Variants in ASAP3 observed in about 807,000 individuals in gnomAD.
ASAP3 encodes arf-GAP with SH3 domain, ANK repeat and PH domain-containing protein 3.
ASAP3 carries 85 observed loss-of-function variants against 118.2 expected under a neutral mutation model. That is an observed-to-expected ratio of 0.72 (90% CI 0.60 to 0.86). The LOEUF (loss-of-function observed/expected upper bound fraction) is 0.86. Among genes scored for constraint, ASAP3 ranks in the 40% least tolerant of loss-of-function variants. The pLI is 0.00. For missense variants in ASAP3, 1,026 were observed against 1,175.0 expected (o/e 0.87, Z 1.85); for synonymous variants, 432 against 477.4 (o/e 0.90, Z 1.24).
rs1558107047 is a variant in ASAP3 at position 23,433,492 on chromosome 1, T to G, written c.2060A>C (p.His687Pro). The change falls in exon 21 of 25, where the codon CAT becomes CCT. Residue 687 changes from histidine (H) to proline (P), a missense_variant. Physicochemically the swap from His to Pro is moderately conservative, Grantham distance 77. Transcript: ENST00000336689. Reference protein sequence around the residue: ...AQAGTFAFPLHVDYSWVISTE... With the variant: ...AQAGTFAFPLPVDYSWVISTE... ...GGAAATTACCCAGGAGTAGTCCACA[T>G]GTAGAGGGAAGGCAAAGGTCCCCGC... 1.9e-6 allele frequency: 3 copies of G among 1,614,046 alleles called. No individual in the cohort carries two copies. Among genetic ancestry groups the G allele is most frequent in the African/African-American group, 1.3e-5 (1 of 74,910 alleles).
At position 23,438,630 on chromosome 1, in the gene ASAP3, C is replaced by A; in HGVS notation, c.1102+117G>T. 1 of 817,642 alleles carries A rather than the reference C, an allele frequency of 1.2e-6. No individual in the cohort carries two copies. The highest frequency in any genetic ancestry group is 2.4e-5 in the Admixed American group (1 of 41,580). The allele number at this position is 817,642 out of a possible 1,614,324, so 50.6% of individuals were successfully genotyped here. A position where few individuals can be genotyped will look rare whatever the true frequency, so the allele number is the denominator to read the frequency against. On this transcript the variant is annotated intron_variant, in intron 12 of 24. Coordinates refer to ENST00000336689, the MANE Select transcript of ASAP3 (RefSeq NM_017707.4). This position sits in a 1 kb window ranked among gnomAD's most constrained non-coding sequence, Gnocchi z 4.9. Reference sequence around the variant, plus strand: ...TCTTATGTCTGCAGTAGCAGCAATTCGACACCATGTGTGGAACTGGACACA... The same window carrying A: ...TCTTATGTCTGCAGTAGCAGCAATTAGACACCATGTGTGGAACTGGACACA...
intron 1 of ASAP3, among the ~76,000 whole-genome samples, chr1:23,465,083 G>C (rs1015035678): frequency 6.6e-6 from 1 of 152,158 alleles, no homozygotes; most frequent in East Asian, 1.9e-4. Flanking sequence ...AAGGTTACTG[G>C]GGAGATTAAG....
At chr1:23,441,600 T>G (rs1431251051) in intron 8 of ASAP3, 55 bp downstream of exon 8, 7 of 1,609,520 alleles carry the variant, frequency 4.3e-6, no homozygotes, top group Non-Finnish European at 6.0e-6. Context: ...ACCCACAGAT[T>G]TTCCTGGAAG....
In ASAP3 at chr1:23,439,315, T is replaced by C. The variant is rs930183451; in HGVS notation, c.945-85A>G. ...CAGAGAACAGAAATTTGCCCCCACCTGTATGATCTCTAGCCACATCCCTTT... is the reference window on the plus strand; with the variant it reads ...CAGAGAACAGAAATTTGCCCCCACCCGTATGATCTCTAGCCACATCCCTTT... On this transcript the variant is annotated intron_variant, in intron 10 of 24. Transcript: ENST00000336689. The C allele has an allele frequency of 5.6e-6, 7 of 1,250,092 alleles. No individual in the cohort carries two copies. In the African/African-American group the frequency reaches 8.9e-5, roughly 16 times the overall value. 77.4% of individuals were successfully genotyped at this position (1,250,092 alleles called of 1,614,324 possible).
In ASAP3 at chr1:23,431,863, C is replaced by T; in HGVS notation, c.2379G>A (p.Leu793=). ...SSEAPETPES[L]GSPASSSSLM... Reference sequence around the variant, plus strand: ...GACTGGAGGAGGAGGCTGGACTGCCCAGGCTCTCAGGGGTCTCAGGGGCCT... The same window carrying T: ...GACTGGAGGAGGAGGCTGGACTGCCTAGGCTCTCAGGGGTCTCAGGGGCCT... Residue 793 remains leucine (L), a synonymous_variant, in exon 23 of 25, where the codon CTG becomes CTA. Coordinates refer to ENST00000336689, the MANE Select transcript of ASAP3 (RefSeq NM_017707.4). 1 of 1,601,072 alleles carries T rather than the reference C, an allele frequency of 6.2e-7. No individual in the cohort carries two copies. Among genetic ancestry groups the T allele is most frequent in the Non-Finnish European group, 8.5e-7 (1 of 1,176,232 alleles).
At position 23,437,537 on chromosome 1, in the gene ASAP3, GCCC is replaced by G. The variant is rs910155258; in HGVS notation, c.1103-68_1103-66del. Reference sequence around the variant, plus strand: ...TGCTGGCCTTCCCGGAGCCCAGGGAGCCCCCACCAAAGCCGCTGGGGCCACATG... The same window carrying G: ...TGCTGGCCTTCCCGGAGCCCAGGGAGCCACCAAAGCCGCTGGGGCCACATG... On this transcript the variant is annotated intron_variant, in intron 12 of 24. Coordinates refer to ENST00000336689, the MANE Select transcript of ASAP3 (RefSeq NM_017707.4). The surrounding 1 kb of genome is among the most constrained non-coding windows in gnomAD (Gnocchi z 6.1). The G allele has an allele frequency of 6.3e-7, 1 of 1,597,696 alleles. No individual in the cohort carries two copies. The highest frequency in any genetic ancestry group is 1.3e-5 in the African/African-American group (1 of 74,448).
rs76139363 is a variant in ASAP3 at position 23,466,639 on chromosome 1, C to T, written c.130-10445G>A. The stretch of plus-strand genomic sequence containing the variant: ...CTGCCTAGAAGGGCCTTCTGCATGC[C>T]CCCTTCTGGGTCAGGATTCATCAAT... On this transcript the variant is annotated intron_variant, in intron 1 of 24. Transcript: ENST00000336689. 4.9e-3 allele frequency among the ~76,000 whole-genome samples: 744 copies of T among 152,308 alleles called. 4 individuals carry two copies. The highest frequency in any genetic ancestry group is 0.017 in the African/African-American group (708 of 41,556).
chr1:23,441,866 C>A, intron 7 of ASAP3, 136 bp from the exon 8 acceptor site: 1 of 883,804 alleles, frequency 1.1e-6, no homozygotes, highest in Non-Finnish European at 1.8e-6. Flanking sequence ...AGAACAGACA[C>A]TCCATAGACA....
chr1:23,444,188 T>G (rs1640971095), intron 5 of ASAP3, among the ~76,000 whole-genome samples: 1 of 152,164 alleles, frequency 6.6e-6, no homozygotes, highest in Admixed American at 6.6e-5. Flanking sequence ...TCTTTTTAAG[T>G]GGAGACAGAA....
chr1:23,437,290 G>C lies in ASAP3; in HGVS notation c.1182C>G (p.Asp394Glu). 1.2e-6 allele frequency: 2 copies of C among 1,607,750 alleles called. No homozygotes were observed. The highest frequency in any genetic ancestry group is 1.7e-6 in the Non-Finnish European group (2 of 1,177,154). ...CGAGGAAGGCGCTGCTCAGGGCTTC[G>C]TCCTTGCTGTTCTGCAACACTGACA... The part of the protein sequence containing the change: ...AWVSVLQNSK[D>E]EALSSAFLGE... The change falls in exon 14 of 25, where the codon GAC (aspartate) becomes GAG (glutamate). Residue 394 changes from aspartate (D) to glutamate (E), a missense_variant. Asp to Glu is a conservative substitution (Grantham distance 45, BLOSUM62 2). Coordinates refer to ENST00000336689, the MANE Select transcript of ASAP3 (RefSeq NM_017707.4). This position sits in a 1 kb window ranked among gnomAD's most constrained non-coding sequence, Gnocchi z 6.1.
intron 3 of ASAP3, 106 bp downstream of exon 3, chr1:23,455,775 T>A: frequency 6.8e-7 from 1 of 1,473,690 alleles, no homozygotes; most frequent in Non-Finnish European, 9.2e-7. Context: ...AGGTCAGAGA[T>A]CAAGGGCAAA....
At chr1:23,456,663 G>C (rs139858433) in intron 1 of ASAP3, among the ~76,000 whole-genome samples, 352 of 152,296 alleles carry the variant, frequency 2.3e-3, no homozygotes, top group African/African-American at 8.2e-3. Context: ...TGAGCAAAAG[G>C]CCAGAGGGGA....
At chr1:23,465,082 G>A (rs1337670080) in intron 1 of ASAP3, among the ~76,000 whole-genome samples, 8 of 152,146 alleles carry the variant, frequency 5.3e-5, no homozygotes. Context: ...TAAGGTTACT[G>A]GGGAGATTAA....
chr1:23,453,842 C>T (rs1478178913), intron 3 of ASAP3, among the ~76,000 whole-genome samples: 1 of 152,164 alleles, frequency 6.6e-6, no homozygotes, highest in Non-Finnish European at 1.5e-5. Context: ...CTAGTCCACA[C>T]CCTAGTTTTT....
chr1:23,444,862 G>A (rs554157468), intron 5 of ASAP3, among the ~76,000 whole-genome samples: 1 of 151,708 alleles, frequency 6.6e-6, no homozygotes, highest in East Asian at 1.9e-4. Context: ...CTGGTGGTTT[G>A]TATGTTTAGC....
In ASAP3 at chr1:23,437,015, C is replaced by G; in HGVS notation, c.1372G>C (p.Val458Leu). Residue 458 changes from valine (V) to leucine (L), a missense_variant, in exon 15 of 25, where the codon GTG becomes CTG. By Grantham distance (32) the Val-to-Leu change is conservative. Transcript: ENST00000336689. The surrounding 1 kb of genome is among the most constrained non-coding windows in gnomAD (Gnocchi z 6.1). ...DPTWLSTNLG[V>L]LTCIQCSGVH... ...CCCGAGCACTGGATGCAGGTGAGCACGCCCAGGTTGGTGCTGAGCCACGTG... is the reference window on the plus strand; with the variant it reads ...CCCGAGCACTGGATGCAGGTGAGCAGGCCCAGGTTGGTGCTGAGCCACGTG... 6.2e-7 allele frequency: 1 copy of G among 1,611,906 alleles called. No individual in the cohort carries two copies. The highest frequency in any genetic ancestry group is 8.5e-7 in the Non-Finnish European group (1 of 1,179,516).
chr1:23,456,083 G>A lies in ASAP3; in HGVS notation c.202+39C>T, dbSNP rs781532134. ...GCTCCAGGCTGGGGCTGGGAGAGGG[G>A]CTTCCTGACCAGGCGGGGCACCCAG... On this transcript the variant is annotated intron_variant, in intron 2 of 24. Transcript: ENST00000336689. 92 of 1,613,862 alleles carry A rather than the reference G, an allele frequency of 5.7e-5. 1 individual carries two copies. The South Asian group carries it at 9.1e-4, about 16-fold the overall frequency.
intron 3 of ASAP3, among the ~76,000 whole-genome samples, chr1:23,454,696 T>G (rs1641329871): frequency 2.0e-5 from 3 of 152,236 alleles, no homozygotes; most frequent in Non-Finnish European, 4.4e-5. Context: ...CAATGATAGA[T>G]TTTATTAGGT....
Position 23,435,962 on chromosome 1 carries a change from A to C in ASAP3, c.1638T>G (p.Pro546=), listed in dbSNP as rs1640636485. The C allele has an allele frequency of 5.6e-6, 9 of 1,614,154 alleles. No homozygotes were observed. In the East Asian group the frequency reaches 2.0e-4, roughly 36 times the overall value. Residue 546 remains proline (P), a synonymous_variant, in exon 17 of 25, where the codon CCT becomes CCG. Transcript: ENST00000336689. ...TGGCTGTCCAGAGTCGCTGAGGCTC[A>C]GGTGTGCACCGGCGTGCAAACCTAT... The part of the protein sequence containing the change: ...VEHRFARRCT[P]EPQRLWTAIC...
Sources: allele counts gnomAD v4.1 joint callset (sites outside exome capture counted in the v4.1 genomes callset), GRCh38; gene constraint gnomAD v4.1.1; non-coding constraint Gnocchi (gnomAD v3.1); transcripts MANE v1.5; gene names NCBI Gene and HGNC (gene_info 2026-07-23, HGNC 2026-07-21).